Variants in EPG5 observed in about 807,000 individuals in gnomAD.
The protein encoded by EPG5 is ectopic P-granules 5 autophagy tethering factor, also known as ectopic P granules protein 5 homolog.
A neutral mutation model predicts 302.7 loss-of-function variants in EPG5; 159 were observed. The observed-to-expected ratio is 0.53, with a 90% CI of 0.46 to 0.60. EPG5 has a LOEUF of 0.60. EPG5 is among the 20% of genes least tolerant of loss of function. The pLI is 0.00. For missense variants in EPG5, 2,896 were observed against 3,092.4 expected, an observed-to-expected ratio of 0.94 and a Z score of 1.51; for synonymous variants, 1,158 against 1,136.8, an observed-to-expected ratio of 1.02 and a Z score of -0.37.
chr18:45,883,614 G>GTTTT (rs1174930322), intron 30 of EPG5, among the ~76,000 whole-genome samples: 14 of 60,714 alleles, frequency 2.3e-4, no homozygotes, highest in African/African-American at 4.1e-4. Context: ...CTAGCCTGGT[G>GTTTT]TTTTTTTTTT....
chr18:45,948,801 C>T (rs1231014416), intron 5 of EPG5, among the ~76,000 whole-genome samples: 1 of 152,086 alleles, frequency 6.6e-6, no homozygotes, highest in Non-Finnish European at 1.5e-5. Context: ...TTATCTGTAA[C>T]AACATGGGAT....
the EPG5 span, among the ~76,000 whole-genome samples, chr18:45,809,340 T>A: frequency 0.74 from 112,836 of 151,994 alleles, 42,769 homozygotes; most frequent in East Asian, 0.92. Flanking sequence ...ACAAAAAAAA[T>A]TGAATTAAAC....
chr18:45,826,208 A>G, the EPG5 span, among the ~76,000 whole-genome samples: 1 of 151,700 alleles, frequency 6.6e-6, no homozygotes, highest in Non-Finnish European at 1.5e-5. Flanking sequence ...GACAGTGCTG[A>G]TGCATGGGAG....
the EPG5 span, among the ~76,000 whole-genome samples, chr18:45,828,333 C>G: frequency 6.6e-6 from 1 of 152,204 alleles, no homozygotes; most frequent in African/African-American, 2.4e-5. Flanking sequence ...CCCCCATACT[C>G]GACACCCAGT....
At position 45,858,738 on chromosome 18, in the gene EPG5, G is replaced by C. The variant is rs1273335008; in HGVS notation, c.7054C>G (p.Leu2352Val). Residue 2352 changes from leucine (L) to valine (V), a missense_variant, in exon 41 of 44, where the codon CTT (leucine) becomes GTT (valine). Coordinates refer to ENST00000282041, the MANE Select transcript of EPG5 (RefSeq NM_020964.3). ...TCCATGGTGAGCTCGGGAACCTGAA[G>C]GGATACCAGAATGGGTCCCCATCCT... ...NSGWGPILVS[L>V]QVPELTMEEF... 6.2e-7 allele frequency: 1 copy of C among 1,614,092 alleles called. No individual in the cohort carries two copies. The highest frequency in any genetic ancestry group is 1.3e-5 in the African/African-American group (1 of 74,932).
Position 45,916,689 on chromosome 18 carries a change from T to C in EPG5, c.3240-107A>G, listed in dbSNP as rs1265845932. On this transcript the variant is annotated intron_variant, in intron 17 of 43. Transcript: ENST00000282041. The stretch of plus-strand genomic sequence containing the variant: ...AAAATTCCTAAATTGGTCCCATTTT[T>C]CGACCAAAGCACTATTTAAGAAGGG... 2.5e-6 allele frequency: 3 copies of C among 1,205,494 alleles called. No homozygotes were observed. The East Asian group carries it at 7.8e-5, about 31-fold the overall frequency. The allele number at this position is 1,205,494 out of a possible 1,614,324, so 74.7% of individuals were successfully genotyped here. A position where few individuals can be genotyped will look rare whatever the true frequency, so the allele number is the denominator to read the frequency against.
At chr18:45,966,142 GC>G (rs2051249627) in intron 1 of EPG5, among the ~76,000 whole-genome samples, 2 of 151,924 alleles carry the variant, frequency 1.3e-5, no homozygotes, top group Admixed American at 1.3e-4. Flanking sequence ...GGAGGCCGAG[GC>G]GGGCGGATCA....
chr18:45,816,325 G>A, the EPG5 span, among the ~76,000 whole-genome samples: 10 of 152,018 alleles, frequency 6.6e-5, no homozygotes, highest in East Asian at 3.9e-4. Context: ...AAAAGGTATC[G>A]TCAGCAGAGT....
Position 45,908,100 on chromosome 18 carries a change from A to G in EPG5, c.4206-19T>C. 1 of 1,478,412 alleles carries G rather than the reference A, an allele frequency of 6.8e-7. No homozygotes were observed. The highest frequency in any genetic ancestry group is 9.2e-7 in the Non-Finnish European group (1 of 1,089,112). 91.6% of individuals were successfully genotyped at this position (1,478,412 alleles called of 1,614,324 possible). On this transcript the variant is annotated intron_variant, in intron 23 of 43. Transcript: ENST00000282041. ...GAAGAGCCTAAAAGATAAAAACATA[A>G]TTATACGAAACATAAAAAGATGAGC...
chr18:45,961,825 TCC>T (rs2051154628), intron 1 of EPG5, among the ~76,000 whole-genome samples: 2 of 140,212 alleles, frequency 1.4e-5, no homozygotes, highest in Non-Finnish European at 3.0e-5. Context: ...GCCACTGCAC[TCC>T]AGCCTGGGCG....
chr18:45,899,120 C>T lies in EPG5; in HGVS notation c.4809+284G>A, dbSNP rs1022002476. Among the ~76,000 whole-genome samples, 7 of 151,846 alleles carry T rather than the reference C, an allele frequency of 4.6e-5. No homozygotes were observed. The South Asian group carries it at 6.2e-4, about 14-fold the overall frequency. On this transcript the variant is annotated intron_variant, in intron 27 of 43. Coordinates refer to ENST00000282041, the MANE Select transcript of EPG5 (RefSeq NM_020964.3). ...AGCCTGGGGACTCCGTTTCAAAAAA[C>T]AAACAAACAAAAAAAGGAATCAGTT...
chr18:45,938,875 T>C (rs1440849043), intron 10 of EPG5, among the ~76,000 whole-genome samples: 1 of 152,156 alleles, frequency 6.6e-6, no homozygotes, highest in East Asian at 1.9e-4. Flanking sequence ...AAGAGTTACA[T>C]GGCAAGAGGG....
At chr18:45,957,111 C>G (rs989145476) in intron 1 of EPG5, among the ~76,000 whole-genome samples, 4 of 151,968 alleles carry the variant, frequency 2.6e-5, no homozygotes, top group African/African-American at 9.7e-5. Flanking sequence ...TATACAAGCT[C>G]TTGGTTATTT....
In EPG5 at chr18:45,949,563, G is replaced by A. The variant is rs189145719; in HGVS notation, c.1418C>T (p.Pro473Leu). 7.3e-5 allele frequency: 118 copies of A among 1,612,656 alleles called. 1 individual carries two copies. The South Asian group carries it at 1.2e-3, about 16-fold the overall frequency. The change falls in exon 5 of 44, where the codon CCT becomes CTT. Residue 473 changes from proline to leucine, a missense_variant. Pro to Leu is a moderately conservative substitution (Grantham distance 98, BLOSUM62 -3). Coordinates refer to ENST00000282041, the MANE Select transcript of EPG5 (RefSeq NM_020964.3). ...LVSVLQRVGCPGDHLFLLNHI... is the reference protein window; with the variant it reads ...LVSVLQRVGCLGDHLFLLNHI... ...GTTTAGAAGGAAGAGGTGATCTCCAGGACAGCCAACTCTTTGTAGCACGGA... is the reference window on the plus strand; with the variant it reads ...GTTTAGAAGGAAGAGGTGATCTCCAAGACAGCCAACTCTTTGTAGCACGGA...
At chr18:45,893,457 C>T (rs1169047078) in intron 27 of EPG5, among the ~76,000 whole-genome samples, 2 of 151,364 alleles carry the variant, frequency 1.3e-5, no homozygotes, top group Non-Finnish European at 2.9e-5. Context: ...CCCAGCTCCT[C>T]AGAGAGAATC....
chr18:45,838,225 TGCAATGTG>T, the EPG5 span, among the ~76,000 whole-genome samples: 1 of 151,962 alleles, frequency 6.6e-6, no homozygotes, highest in African/African-American at 2.4e-5. Flanking sequence ...TGCCAAGAGG[TGCAATGTG>T]GTGTGTGCTA....
intron 22 of EPG5, 111 bp from the exon 23 acceptor site, chr18:45,910,853 A>T: frequency 1.3e-6 from 1 of 741,904 alleles, no homozygotes. Flanking sequence ...GTGGATATAC[A>T]CCATTAAATT....
chr18:45,923,194 G>C, intron 15 of EPG5, 74 bp downstream of exon 15: 1 of 1,518,850 alleles, frequency 6.6e-7, no homozygotes, highest in Non-Finnish European at 9.0e-7. Flanking sequence ...AATAGTATAA[G>C]TCTATCATCT....
At chr18:45,855,850 T>C (rs1028383744) in intron 42 of EPG5, among the ~76,000 whole-genome samples, 163 bp from the exon 43 acceptor site, 1 of 152,252 alleles carries the variant, frequency 6.6e-6, no homozygotes, top group Non-Finnish European at 1.5e-5. Context: ...GAAGAAGTTT[T>C]ATCCATTATC....
Sources: allele counts gnomAD v4.1 joint callset (sites outside exome capture counted in the v4.1 genomes callset), GRCh38; gene constraint gnomAD v4.1.1; transcripts MANE v1.5; gene names NCBI Gene and HGNC (gene_info 2026-07-23, HGNC 2026-07-21).